CLSTN2: variants seen among roughly 807,000 people sequenced by gnomAD.
The protein encoded by CLSTN2 is calsyntenin-2.
A neutral mutation model predicts 101.2 loss-of-function variants in CLSTN2; 48 were observed. The ratio of observed to expected loss-of-function variants is 0.47; its 90% CI spans 0.38 to 0.60. The LOEUF (loss-of-function observed/expected upper bound fraction) is 0.60, where lower values mean the gene tolerates loss of function less well. Ranked by LOEUF, CLSTN2 falls within the 20% of genes least tolerant of loss-of-function variation. The pLI is 0.00. For synonymous variants in CLSTN2, 481 were observed against 463.6 expected (o/e 1.04, Z -0.48); for missense variants, 1,160 against 1,238.2 (o/e 0.94, Z 0.95).
chr3:140,365,927 T>C (rs997205103), intron 2 of CLSTN2, among the ~76,000 whole-genome samples: 2 of 152,198 alleles, frequency 1.3e-5, no homozygotes, highest in African/African-American at 4.8e-5. Context: ...GCTTGTATTC[T>C]TCCTCCTGGG....
At chr3:140,283,511 G>A (rs1392000900) in intron 2 of CLSTN2, among the ~76,000 whole-genome samples, 1 of 152,102 alleles carries the variant, frequency 6.6e-6, no homozygotes, top group Non-Finnish European at 1.5e-5. Flanking sequence ...TATGGAGGGG[G>A]AATATGGACT....
chr3:140,085,578 G>A (rs1483530271), intron 1 of CLSTN2, among the ~76,000 whole-genome samples: 4 of 152,132 alleles, frequency 2.6e-5, no homozygotes, highest in Non-Finnish European at 5.9e-5. Flanking sequence ...TATGGCTAGA[G>A]AGCTGACACA....
At chr3:139,964,420 A>G (rs1298098515) in intron 1 of CLSTN2, among the ~76,000 whole-genome samples, 3 of 152,212 alleles carry the variant, frequency 2.0e-5, no homozygotes, top group Non-Finnish European at 2.9e-5. Flanking sequence ...CTAAGAGAGT[A>G]CATGATGATA....
At chr3:140,267,019 G>C (rs1440703798) in intron 2 of CLSTN2, among the ~76,000 whole-genome samples, 1 of 152,150 alleles carries the variant, frequency 6.6e-6, no homozygotes, top group East Asian at 1.9e-4. Context: ...GAGAGAAATG[G>C]GACAAGTGAG....
chr3:140,392,866 TG>T (rs1236221867), intron 2 of CLSTN2, among the ~76,000 whole-genome samples: 5 of 152,094 alleles, frequency 3.3e-5, no homozygotes, highest in African/African-American at 1.2e-4. Context: ...TTTACAGTTA[TG>T]GAGGGTGAGA....
chr3:140,224,467 T>C (rs538462950), intron 2 of CLSTN2, among the ~76,000 whole-genome samples: 1 of 152,318 alleles, frequency 6.6e-6, no homozygotes, highest in African/African-American at 2.4e-5. Context: ...TCAGGGAACA[T>C]AATGAGGAGC....
At chr3:140,243,779 G>A (rs1361328290) in intron 2 of CLSTN2, among the ~76,000 whole-genome samples, 3 of 152,200 alleles carry the variant, frequency 2.0e-5, no homozygotes, top group Non-Finnish European at 4.4e-5. Flanking sequence ...CAGATCTACT[G>A]CATCAGATGT....
chr3:140,165,202 G>T (rs1270169335), intron 1 of CLSTN2, among the ~76,000 whole-genome samples: 1 of 152,306 alleles, frequency 6.6e-6, no homozygotes, highest in Admixed American at 6.5e-5. Flanking sequence ...AATATAGGTT[G>T]TCTCTGATTA....
rs923593442 is a variant in CLSTN2 at position 140,249,195 on chromosome 3, G to C, written c.232+73122G>C. Among the ~76,000 whole-genome samples the C allele has an allele frequency of 5.9e-5, 9 of 152,088 alleles. No homozygotes were observed. In the East Asian group the frequency reaches 1.7e-3, roughly 29 times the overall value. ...GTGTAAGCCTTACTCTAACAAACAG[G>C]GCCCAGAGAGAGGCCGTCCTGTCCC... On this transcript the variant is annotated intron_variant, in intron 2 of 16. Transcript: ENST00000458420.
rs374845710 is a variant in CLSTN2 at position 140,136,168 on chromosome 3, G to A, written c.110-39783G>A. 4.6e-4 allele frequency among the ~76,000 whole-genome samples: 70 copies of A among 152,184 alleles called. 1 individual carries two copies. In the South Asian group the frequency reaches 1.0e-2, roughly 22 times the overall value. On this transcript the variant is annotated intron_variant, in intron 1 of 16. Transcript: ENST00000458420. ...TAATTGAAAATATCTATCACCCTTG[G>A]TCATTGTTCCCCTAGAGGATCTTGG...
At chr3:140,539,640 C>T (rs1326619913) in intron 9 of CLSTN2, among the ~76,000 whole-genome samples, 3 of 152,232 alleles carry the variant, frequency 2.0e-5, no homozygotes, top group African/African-American at 4.8e-5. Context: ...ACCTTGCTCT[C>T]TATCACTGAC....
rs397877641 is a variant in CLSTN2 at position 140,257,561 on chromosome 3, G to GGTGTGTGTGTGTGT, written c.232+81515_232+81528dup. ...TATTCCCTGCCTATTTCTTTCTAGG[G>GGTGTGTGTGTGTGT]GTGTGTGTGTGTGTGTGTGTGTGTG... is the stretch of plus-strand genomic sequence containing the variant. On this transcript the variant is annotated intron_variant, in intron 2 of 16. Transcript: ENST00000458420. Among the ~76,000 whole-genome samples the GGTGTGTGTGTGTGT allele has an allele frequency of 2.4e-4, 22 of 93,062 alleles. No homozygotes were observed. The East Asian group carries it at 4.6e-3, about 20-fold the overall frequency. 61.1% of individuals were successfully genotyped at this position (93,062 alleles called of 152,430 possible).
At chr3:140,042,522 TTTA>T (rs910130107) in intron 1 of CLSTN2, among the ~76,000 whole-genome samples, 23 of 151,992 alleles carry the variant, frequency 1.5e-4, no homozygotes, top group Admixed American at 2.6e-4. Context: ...TGTAGTTTCT[TTTA>T]TTATTATTAT....
At chr3:140,439,515 T>C (rs1251486356) in intron 5 of CLSTN2, among the ~76,000 whole-genome samples, 1 of 152,208 alleles carries the variant, frequency 6.6e-6, no homozygotes, top group African/African-American at 2.4e-5. Context: ...GGAAAGAACA[T>C]CGTGAGCAAG....
chr3:140,455,855 A>C (rs1318375120), intron 6 of CLSTN2, among the ~76,000 whole-genome samples: 1 of 152,226 alleles, frequency 6.6e-6, no homozygotes, highest in Non-Finnish European at 1.5e-5. Flanking sequence ...GGAAGTCTGC[A>C]CCATCTGGTT....
At chr3:140,493,168 T>G (rs1934385927) in intron 8 of CLSTN2, among the ~76,000 whole-genome samples, 1 of 152,202 alleles carries the variant, frequency 6.6e-6, no homozygotes, top group East Asian at 1.9e-4. Context: ...CCTGGCTGGG[T>G]TTACCTTTTT....
At chr3:140,256,117 G>A (rs1453890412) in intron 2 of CLSTN2, among the ~76,000 whole-genome samples, 1 of 152,162 alleles carries the variant, frequency 6.6e-6, no homozygotes, top group Admixed American at 6.5e-5. Flanking sequence ...GTCAAGGTTA[G>A]TCCTAGGTAT....
At chr3:140,380,643 C>A (rs1363769343) in intron 2 of CLSTN2, among the ~76,000 whole-genome samples, 2 of 152,174 alleles carry the variant, frequency 1.3e-5, no homozygotes, top group Non-Finnish European at 2.9e-5. Context: ...AAAGTACCAC[C>A]TTCTCTGCCT....
chr3:140,133,649 C>T (rs1044061880), intron 1 of CLSTN2, among the ~76,000 whole-genome samples: 2 of 152,082 alleles, frequency 1.3e-5, no homozygotes, highest in African/African-American at 2.4e-5. Context: ...GCCCTCGTTG[C>T]CAGATTTAAG....
Sources: gnomAD v4.1 joint callset for allele counts (sites outside exome capture counted in the v4.1 genomes callset) on GRCh38, gnomAD v4.1.1 for gene constraint, MANE v1.5 for transcripts, NCBI Gene and HGNC (gene_info 2026-07-23, HGNC 2026-07-21) for gene names.